Variants in DKK4 observed in about 807,000 individuals in gnomAD.
DKK4 encodes dickkopf Wnt signaling pathway inhibitor 4.
DKK4 carries 15 observed loss-of-function variants against 14.5 expected under a neutral mutation model. That is an observed-to-expected ratio of 1.03 (90% confidence interval 0.69 to 1.59). DKK4 has a LOEUF of 1.59. DKK4 is among the 40% of genes most tolerant of loss of function. The pLI, the probability that DKK4 is intolerant of heterozygous loss-of-function variation, is 0.00. For missense variants in DKK4, 272 were observed against 280.3 expected (o/e 0.97, Z 0.21); for synonymous variants, 89 against 105.2 (o/e 0.85, Z 0.94).
rs941530121 is a variant in DKK4 at position 42,374,108 on chromosome 8, T to A, written c.667A>T (p.Lys223Ter). Residue 223 changes from lysine to a stop codon, truncating the protein, a stop_gained, in exon 4 of 4, where the codon AAG (lysine) becomes TAG (stop). Transcript: ENST00000220812. LOFTEE classifies it high-confidence loss of function. Reference protein sequence around the residue: ...ARLRVCQKIEKL With the variant: ...ARLRVCQKIE Reference sequence around the variant, plus strand: ...TCTTTATTTTGAAATATTTATAGCTTTTCTATTTTTTGGCATACTCTTAAT... The same window carrying A: ...TCTTTATTTTGAAATATTTATAGCTATTCTATTTTTTGGCATACTCTTAAT... 2 of 1,610,996 alleles carry A rather than the reference T, an allele frequency of 1.2e-6. No homozygotes were observed. The highest frequency in any genetic ancestry group is 2.7e-5 in the African/African-American group (2 of 74,672).
At chr8:42,386,727 G>T in the DKK4 span, among the ~76,000 whole-genome samples, 4 of 152,114 alleles carry the variant, frequency 2.6e-5, no homozygotes, top group Admixed American at 2.0e-4. Flanking sequence ...GGCCTTAAGC[G>T]ATCTTCCTGC....
At chr8:42,388,476 C>A in the DKK4 span, among the ~76,000 whole-genome samples, 1 of 151,680 alleles carries the variant, frequency 6.6e-6, no homozygotes, top group African/African-American at 2.4e-5. Context: ...GTGATCCACC[C>A]GCCCGAGCCT....
chr8:42,384,716 C>T, the DKK4 span, among the ~76,000 whole-genome samples: 1 of 152,028 alleles, frequency 6.6e-6, no homozygotes. Flanking sequence ...CTCGGAGGGA[C>T]CACTAATCTG....
the DKK4 span, among the ~76,000 whole-genome samples, chr8:42,382,607 C>T: frequency 6.6e-6 from 1 of 152,208 alleles, no homozygotes; most frequent in Non-Finnish European, 1.5e-5. Flanking sequence ...AAAAGTGGCA[C>T]CACAAGACAC....
chr8:42,376,230 T>A (rs530703026), intron 1 of DKK4, among the ~76,000 whole-genome samples: 1 of 152,298 alleles, frequency 6.6e-6, no homozygotes, highest in South Asian at 2.1e-4. Context: ...GATTTTTTAC[T>A]CTAGTGAATC....
At chr8:42,390,274 C>T in the DKK4 span, among the ~76,000 whole-genome samples, 31 of 151,906 alleles carry the variant, frequency 2.0e-4, no homozygotes, top group African/African-American at 7.5e-4. Flanking sequence ...TAACGTTCCT[C>T]AGTAGCTGGT....
chr8:42,382,504 A>G, the DKK4 span, among the ~76,000 whole-genome samples: 1 of 152,218 alleles, frequency 6.6e-6, no homozygotes, highest in Non-Finnish European at 1.5e-5. Flanking sequence ...GTCAGACCAC[A>G]AGTTTCACGA....
Position 42,376,959 on chromosome 8 carries a change from A to AGAGCTCCTGATGTTGTTGAAGTCCAG in DKK4, c.61_86dup (p.Ala30TrpfsTer66). The AGAGCTCCTGATGTTGTTGAAGTCCAG allele has an allele frequency of 6.2e-7, 1 of 1,613,802 alleles. No individual in the cohort carries two copies. ...CCTTCCGGGCCCCATGCAGGTCAGC[A>AGAGCTCCTGATGTTGTTGAAGTCCAG]GAGCTCCTGATGTTGTTGAAGTCCA... On this transcript the variant is annotated frameshift_variant, in exon 1 of 4. Coordinates refer to ENST00000220812, the MANE Select transcript of DKK4 (RefSeq NM_014420.3). LOFTEE classifies it high-confidence loss of function.
Position 42,374,416 on chromosome 8 carries a change from G to A in DKK4, c.416-57C>T, listed in dbSNP as rs532079262. On this transcript the variant is annotated intron_variant, in intron 3 of 3. Transcript: ENST00000220812. ...AAATAAGGAAAGTGGCCTGCTGGGG[G>A]TTTGCTACTGGGATAAGGGAATGGG... The A allele has an allele frequency of 2.9e-5, 46 of 1,602,748 alleles. No individual in the cohort carries two copies. The African/African-American group carries it at 5.5e-4, about 19-fold the overall frequency.
intron 2 of DKK4, 52 bp downstream of exon 2, chr8:42,375,628 G>A: frequency 1.2e-6 from 2 of 1,605,068 alleles, no homozygotes; most frequent in Non-Finnish European, 8.5e-7. Flanking sequence ...AGTCTATGGG[G>A]CTTAGACACT....
rs1353228304 is a variant in DKK4, at chr8:42,375,623, A to G, written c.262+57T>C. On this transcript the variant is annotated intron_variant, in intron 2 of 3. Coordinates refer to ENST00000220812, the MANE Select transcript of DKK4 (RefSeq NM_014420.3). ...TGCCTACCCTGGAATATTCTAGTCT[A>G]TGGGGCTTAGACACTACCTTCGGTT... The G allele has an allele frequency of 3.7e-6, 6 of 1,603,354 alleles. No individual in the cohort carries two copies. In the East Asian group the frequency reaches 6.7e-5, roughly 18 times the overall value.
the DKK4 span, among the ~76,000 whole-genome samples, chr8:42,390,509 G>T: frequency 6.6e-6 from 1 of 150,732 alleles, no homozygotes; most frequent in Non-Finnish European, 1.5e-5. Flanking sequence ...GACTACAGGC[G>T]CCCGCCACCA....
the DKK4 span, among the ~76,000 whole-genome samples, chr8:42,386,881 C>T: frequency 1.3e-5 from 2 of 152,182 alleles, no homozygotes; most frequent in African/African-American, 4.8e-5. Flanking sequence ...GAAGTCTTTA[C>T]AGAAGAGCTG....
chr8:42,388,753 T>C, the DKK4 span, among the ~76,000 whole-genome samples: 1 of 151,728 alleles, frequency 6.6e-6, no homozygotes, highest in African/African-American at 2.4e-5. Flanking sequence ...GTATTTTTAG[T>C]AGAGACGGGG....
the DKK4 span, among the ~76,000 whole-genome samples, chr8:42,390,358 CTTTTTTTTTT>C: frequency 1.0e-5 from 1 of 99,478 alleles, no homozygotes; most frequent in Non-Finnish European, 1.9e-5. Context: ...CTTTTGCTTC[CTTTTTTTTTT>C]TTTTTTTTTT....
In DKK4 at chr8:42,375,571, A is replaced by T. The variant is rs543720567; in HGVS notation, c.262+109T>A. 3.0e-6 allele frequency: 4 copies of T among 1,351,736 alleles called. No individual in the cohort carries two copies. In the African/African-American group the frequency reaches 5.8e-5, roughly 20 times the overall value. The allele number at this position is 1,351,736 out of a possible 1,614,324, so 83.7% of individuals were successfully genotyped here. A position where few individuals can be genotyped will look rare whatever the true frequency, so the allele number is the denominator to read the frequency against. On this transcript the variant is annotated intron_variant, in intron 2 of 3. Coordinates refer to ENST00000220812, the MANE Select transcript of DKK4 (RefSeq NM_014420.3). ...GCAGCTGCATACATTTACTTCAAGC[A>T]TGAATCTAGGAAGCACCATTAGAGA...
At chr8:42,377,690 A>C (rs1824590211), upstream of DKK4, among the ~76,000 whole-genome samples, 1 of 152,350 alleles carries the variant, frequency 6.6e-6, no homozygotes, top group East Asian at 1.9e-4. Context: ...TAGTGAGGAC[A>C]GATAGAAAAA....
the DKK4 span, among the ~76,000 whole-genome samples, chr8:42,384,674 T>G: frequency 0.04 from 6,024 of 152,136 alleles, 164 homozygotes; most frequent in South Asian, 0.11. Context: ...TTCCCTCTGG[T>G]CGTCTCCATG....
chr8:42,379,198 C>G (rs1824618157), upstream of DKK4, among the ~76,000 whole-genome samples: 1 of 148,480 alleles, frequency 6.7e-6, no homozygotes, highest in Non-Finnish European at 1.5e-5. Flanking sequence ...TTGCAGTGAG[C>G]CAACACGGTG....
Sources: allele counts gnomAD v4.1 joint callset (sites outside exome capture counted in the v4.1 genomes callset), GRCh38; gene constraint gnomAD v4.1.1; transcripts MANE v1.5; gene names NCBI Gene and HGNC (gene_info 2026-07-23, HGNC 2026-07-21).